FBH1: variants seen among roughly 807,000 people sequenced by gnomAD.
FBH1 encodes the protein DNA 3'-5' helicase 1.
Under a neutral mutation model 115.5 loss-of-function variants are expected in FBH1, and 43 were observed. The ratio of observed to expected loss-of-function variants is 0.37; its 90% CI spans 0.29 to 0.48. The LOEUF is 0.48. FBH1 is among the 20% of genes least tolerant of loss of function. The probability of loss-of-function intolerance (pLI) is 0.99; values close to 1 mark genes in which losing one functional copy is unlikely to be tolerated. For missense variants in FBH1, 1,001 were observed against 1,337.3 expected (o/e 0.75, Z 3.92); for synonymous variants, 524 against 507.8 (o/e 1.03, Z -0.43).
At chr10:5,891,417 G>C (rs1174207135) in intron 1 of FBH1, among the ~76,000 whole-genome samples, 1 of 152,216 alleles carries the variant, frequency 6.6e-6, no homozygotes, top group African/African-American at 2.4e-5. Context: ...CAAAAGTGTA[G>C]GGCGTGCCAA....
At chr10:5,892,728 C>T (rs1842802722) in intron 1 of FBH1, among the ~76,000 whole-genome samples, 1 of 152,218 alleles carries the variant, frequency 6.6e-6, no homozygotes. Flanking sequence ...TCTTTTATTC[C>T]TTAACATGGT....
chr10:5,911,183 A>C lies in FBH1; in HGVS notation c.1211+55A>C. ...CTGTGATAATGGGAGAGTCCCAGAC[A>C]CAGCAGCAGGTCCAGCCCTGCCACT... On this transcript the variant is annotated intron_variant, in intron 6 of 20. Transcript: ENST00000362091. This position sits in a 1 kb window ranked among gnomAD's most constrained non-coding sequence, Gnocchi z 5.4. 6.5e-7 allele frequency: 1 copy of C among 1,535,348 alleles called. No homozygotes were observed. The highest frequency in any genetic ancestry group is 8.8e-7 in the Non-Finnish European group (1 of 1,130,820).
At chr10:5,908,803 GC>G (rs1379190975) in intron 3 of FBH1, 121 bp from the exon 4 acceptor site, 18 of 1,096,552 alleles carry the variant, frequency 1.6e-5, no homozygotes, top group Non-Finnish European at 2.4e-5. Context: ...TAGAGACGGG[GC>G]TTCACCATGT....
chr10:5,902,700 A>G (rs1269856235), intron 1 of FBH1, among the ~76,000 whole-genome samples: 1 of 152,146 alleles, frequency 6.6e-6, no homozygotes, highest in African/African-American at 2.4e-5. Flanking sequence ...AAGTTCTGGG[A>G]TTACAGACGT....
At chr10:5,904,770 T>A (rs1391419854) in intron 2 of FBH1, among the ~76,000 whole-genome samples, 2 of 152,164 alleles carry the variant, frequency 1.3e-5, no homozygotes, top group African/African-American at 4.8e-5. Flanking sequence ...ATTTAACCTG[T>A]AGTAATAGTG....
chr10:5,916,037 G>T, intron 9 of FBH1, 197 bp from the exon 10 acceptor site: 1 of 589,480 alleles, frequency 1.7e-6, no homozygotes, highest in Non-Finnish European at 3.0e-6. Flanking sequence ...CCTATTCTGG[G>T]TTGGTACATG....
upstream of FBH1, chr10:5,889,875 G>A (rs1026067728): frequency 1.9e-5 from 3 of 160,138 alleles, no homozygotes; most frequent in East Asian, 5.3e-4. Context: ...TGCCCCGCAC[G>A]CGTCCTCAGG....
rs1589073343 is a variant in FBH1 at position 5,909,713 on chromosome 10, AAT to A, written c.1020+421_1020+422del. Among the ~76,000 whole-genome samples, 1 of 152,202 alleles carries A rather than the reference AAT, an allele frequency of 6.6e-6. No homozygotes were observed. The highest frequency in any genetic ancestry group is 2.4e-5 in the African/African-American group (1 of 41,446). ...CACAATGAGGTAATGAGAAGCTGGA[AAT>A]AACCCTCAGTCTCCTTGAATCTCAG... On this transcript the variant is annotated intron_variant, in intron 5 of 20. Transcript: ENST00000362091. This position sits in a 1 kb window ranked among gnomAD's most constrained non-coding sequence, Gnocchi z 4.4.
chr10:5,922,743 C>T (rs1190549473), intron 15 of FBH1, among the ~76,000 whole-genome samples: 1 of 152,172 alleles, frequency 6.6e-6, no homozygotes, highest in Admixed American at 6.5e-5. Context: ...CTATGTGGGG[C>T]CTGGTGCTGT....
At position 5,909,163 on chromosome 10, in the gene FBH1, A is replaced by G. The variant is rs779536901; in HGVS notation, c.889A>G (p.Thr297Ala). The change falls in exon 5 of 21, where the codon ACA becomes GCA. Residue 297 changes from threonine to alanine, a missense_variant. This residue lies in a region of FBH1 where 420 missense variants were observed against 430.4 expected (regional missense o/e 0.98). Transcript: ENST00000362091. This position sits in a 1 kb window ranked among gnomAD's most constrained non-coding sequence, Gnocchi z 4.4. ...DLCVLNLIRYTATTKCSPSVD... is the reference protein window; with the variant it reads ...DLCVLNLIRYAATTKCSPSVD... ...TCTCCTGTGAATGTCTTACAGATAC[A>G]CAGCCACCACTAAGTGCTCTCCGAG... is the stretch of plus-strand genomic sequence containing the variant. The G allele has an allele frequency of 1.9e-6, 3 of 1,613,516 alleles. No individual in the cohort carries two copies. In the East Asian group the frequency reaches 6.7e-5, roughly 36 times the overall value.
At position 5,906,082 on chromosome 10, in the gene FBH1, A is replaced by G. The variant is rs138022663; in HGVS notation, c.203A>G (p.Lys68Arg). ...RCIPEFFLAG[K>R]QPCTNDMAKS... is the part of the protein sequence containing the mutation. ...ATCCCTGAGTTCTTCCTAGCAGGCA[A>G]GCAGCCGTGCACCAATGACATGGCC... Residue 68 changes from lysine to arginine, a missense_variant, in exon 3 of 21, where the codon AAG becomes AGG. Coordinates refer to ENST00000362091, the MANE Select transcript of FBH1 (RefSeq NM_178150.3). The surrounding 1 kb of genome is among the most constrained non-coding windows in gnomAD (Gnocchi z 7.3). The G allele has an allele frequency of 6.2e-7, 1 of 1,612,824 alleles. No homozygotes were observed. Among genetic ancestry groups the G allele is most frequent in the African/African-American group, 1.3e-5 (1 of 75,018 alleles).
At chr10:5,899,121 T>A (rs1229377430) in intron 1 of FBH1, among the ~76,000 whole-genome samples, 5 of 152,156 alleles carry the variant, frequency 3.3e-5, no homozygotes. Context: ...CATCATAGAT[T>A]TGGGTGGGCA....
At chr10:5,903,236 C>G in intron 2 of FBH1, 61 bp downstream of exon 2, 2 of 1,323,432 alleles carry the variant, frequency 1.5e-6, no homozygotes, top group Non-Finnish European at 2.0e-6. Context: ...CTTTGACTAT[C>G]TCCTAGTTTA....
chr10:5,901,340 T>C (rs1843335703), intron 1 of FBH1, among the ~76,000 whole-genome samples: 1 of 152,028 alleles, frequency 6.6e-6, no homozygotes, highest in Admixed American at 6.6e-5. Flanking sequence ...CTATTTTTAA[T>C]AGAGACGGGG....
intron 1 of FBH1, among the ~76,000 whole-genome samples, chr10:5,891,735 G>A (rs1387134453): frequency 6.6e-6 from 1 of 152,104 alleles, no homozygotes; most frequent in Non-Finnish European, 1.5e-5. Context: ...TCAGCCTCCC[G>A]AGTAGCTGGG....
chr10:5,900,475 G>A lies in FBH1; in HGVS notation c.2-2545G>A, dbSNP rs1843278512. Among the ~76,000 whole-genome samples, 1 of 152,108 alleles carries A rather than the reference G, an allele frequency of 6.6e-6. No individual in the cohort carries two copies. Among genetic ancestry groups the A allele is most frequent in the East Asian group, 2.0e-4 (1 of 5,102 alleles). ...TCGCCGGCTCACCACGCTGCGCTGT[G>A]CTGCTTCGTGAGAGTGAGCGCATCT... On this transcript the variant is annotated intron_variant, in intron 1 of 20. Transcript: ENST00000362091. The surrounding 1 kb of genome is among the most constrained non-coding windows in gnomAD (Gnocchi z 4.2).
At chr10:5,926,913 C>T (rs1410092476) in intron 18 of FBH1, among the ~76,000 whole-genome samples, 1 of 152,226 alleles carries the variant, frequency 6.6e-6, no homozygotes, top group East Asian at 1.9e-4. Context: ...ACACACAGCA[C>T]ATAGCACACC....
Position 5,932,563 on chromosome 10 carries a change from G to C in FBH1, c.2830-3893G>C. Among the ~76,000 whole-genome samples the C allele has an allele frequency of 6.6e-6, 1 of 152,284 alleles. No homozygotes were observed. Among genetic ancestry groups the C allele is most frequent in the East Asian group, 1.9e-4 (1 of 5,184 alleles). ...ATTTATGCCGTTCTCGCTCATGGAC[G>C]TGGTCACTTCCAGCCTTTTGCTTTC... On this transcript the variant is annotated intron_variant, in intron 19 of 20. Coordinates refer to ENST00000362091, the MANE Select transcript of FBH1 (RefSeq NM_178150.3). The surrounding 1 kb of genome is among the most constrained non-coding windows in gnomAD (Gnocchi z 5.9).
At position 5,921,837 on chromosome 10, in the gene FBH1, C is replaced by T. The variant is rs1832334434; in HGVS notation, c.2322+268C>T. Among the ~76,000 whole-genome samples the T allele has an allele frequency of 6.6e-6, 1 of 152,214 alleles. No homozygotes were observed. Among genetic ancestry groups the T allele is most frequent in the South Asian group, 2.1e-4 (1 of 4,832 alleles). On this transcript the variant is annotated intron_variant, in intron 15 of 20. Coordinates refer to ENST00000362091, the MANE Select transcript of FBH1 (RefSeq NM_178150.3). The surrounding 1 kb of genome is among the most constrained non-coding windows in gnomAD (Gnocchi z 6.4). ...GAATGCCCTTCTTCCCTTGGCAATG[C>T]CAGTGAGGCCGCGGGTTACTGGAAG...
Sources: gnomAD v4.1 joint callset for allele counts (sites outside exome capture counted in the v4.1 genomes callset) on GRCh38, gnomAD v4.1.1 for gene constraint, gnomAD v4.1.1 regional missense constraint, Gnocchi (gnomAD v3.1) non-coding constraint, MANE v1.5 for transcripts, NCBI Gene and HGNC (gene_info 2026-07-23, HGNC 2026-07-21) for gene names.